Variants in FAM135B observed in about 807,000 individuals in gnomAD.
The protein encoded by FAM135B is family with sequence similarity 135 member B.
A neutral mutation model predicts 127.7 loss-of-function variants in FAM135B; 43 were observed. The observed-to-expected ratio is 0.34, with a 90% CI of 0.26 to 0.43. The LOEUF (loss-of-function observed/expected upper bound fraction) is 0.43. Among genes scored for constraint, FAM135B ranks in the 20% least tolerant of loss-of-function variants. FAM135B has a pLI of 1.00. For synonymous variants in FAM135B, 670 were observed against 665.1 expected (o/e 1.01, Z -0.11); for missense variants, 1,558 against 1,725.6 (o/e 0.90, Z 1.72).
chr8:138,410,854 CAGAG>C (rs1462681385), intron 1 of FAM135B, among the ~76,000 whole-genome samples: 1 of 152,088 alleles, frequency 6.6e-6, no homozygotes, highest in Non-Finnish European at 1.5e-5. Context: ...AACAGACAAA[CAGAG>C]AGCCAAATCA....
chr8:138,177,305 G>T (rs1335689315), intron 11 of FAM135B, 42 bp downstream of exon 11: 1 of 1,577,444 alleles, frequency 6.3e-7, no homozygotes, highest in Non-Finnish European at 8.7e-7. Context: ...TGTCTTGGGT[G>T]GCTGCTTTTA....
chr8:138,160,758 G>T (rs1227942212), intron 12 of FAM135B, among the ~76,000 whole-genome samples: 3 of 152,086 alleles, frequency 2.0e-5, no homozygotes, highest in African/African-American at 4.8e-5. Flanking sequence ...GGTGAAGTTT[G>T]ATCTCTGGGT....
intron 7 of FAM135B, among the ~76,000 whole-genome samples, chr8:138,213,203 A>G (rs1818273948): frequency 6.6e-6 from 1 of 152,204 alleles, no homozygotes; most frequent in Non-Finnish European, 1.5e-5. Context: ...CAATATTGGA[A>G]TGAGATACCA....
intron 7 of FAM135B, among the ~76,000 whole-genome samples, chr8:138,222,678 G>GTTTTTTT (rs33913656): frequency 1.9e-4 from 20 of 104,014 alleles, no homozygotes; most frequent in African/African-American, 3.1e-4. Flanking sequence ...TGTTGGTGGT[G>GTTTTTTT]TTTTTTTTTT....
chr8:138,243,129 C>T lies in FAM135B; in HGVS notation c.543-61G>A. On this transcript the variant is annotated intron_variant, in intron 6 of 19. Coordinates refer to ENST00000395297, the MANE Select transcript of FAM135B (RefSeq NM_015912.4). This position sits in a 1 kb window ranked among gnomAD's most constrained non-coding sequence, Gnocchi z 7.5. ...GTAAAGAAAGTGATGGTGCCATTAA[C>T]TCAGCCCCTTTGAGGAGTGTTCCTG... 5 of 1,558,386 alleles carry T rather than the reference C, an allele frequency of 3.2e-6. No homozygotes were observed. The highest frequency in any genetic ancestry group is 4.3e-6 in the Non-Finnish European group (5 of 1,153,250).
intron 3 of FAM135B, among the ~76,000 whole-genome samples, chr8:138,290,171 C>T (rs751200564): frequency 7.2e-5 from 11 of 152,152 alleles, no homozygotes; most frequent in Non-Finnish European, 1.6e-4. Flanking sequence ...GATACTTGAA[C>T]TTCTGAGCCT....
chr8:138,139,897 A>G (rs1057497302), intron 17 of FAM135B, among the ~76,000 whole-genome samples: 4 of 152,270 alleles, frequency 2.6e-5, no homozygotes, highest in Non-Finnish European at 2.9e-5. Flanking sequence ...GAAATAAGCA[A>G]GCTATGGTAT....
At chr8:138,496,210 G>A (rs1459909536) in intron 1 of FAM135B, among the ~76,000 whole-genome samples, 3 of 152,192 alleles carry the variant, frequency 2.0e-5, no homozygotes, top group Admixed American at 2.0e-4. Context: ...CTGAGCTGCA[G>A]TGTCCCCGCA....
intron 3 of FAM135B, among the ~76,000 whole-genome samples, chr8:138,289,085 C>T (rs1041834301): frequency 6.6e-5 from 10 of 152,198 alleles, no homozygotes; most frequent in African/African-American, 2.2e-4. Context: ...CACTGTTAGC[C>T]CGGTTTTCCT....
chr8:138,260,069 A>G (rs1482772214), intron 4 of FAM135B, among the ~76,000 whole-genome samples: 1 of 152,176 alleles, frequency 6.6e-6, no homozygotes, highest in East Asian at 1.9e-4. Context: ...GTTTACTTAT[A>G]TGGGCTTAAG....
intron 1 of FAM135B, among the ~76,000 whole-genome samples, chr8:138,435,570 A>G (rs1355910872): frequency 6.6e-6 from 1 of 152,186 alleles, no homozygotes; most frequent in Non-Finnish European, 1.5e-5. Flanking sequence ...TACTTTTATT[A>G]TTTATCAAAT....
intron 4 of FAM135B, among the ~76,000 whole-genome samples, chr8:138,259,010 A>T (rs1822334506): frequency 6.6e-6 from 1 of 152,252 alleles, no homozygotes; most frequent in South Asian, 2.1e-4. Context: ...TTATCATTAT[A>T]CATATACTAT....
intron 4 of FAM135B, among the ~76,000 whole-genome samples, chr8:138,258,343 C>T (rs191892362): frequency 1.6e-4 from 24 of 152,196 alleles, no homozygotes; most frequent in African/African-American, 5.5e-4. Flanking sequence ...TGGAATTTAT[C>T]TTTAGGTCTC....
chr8:138,349,642 T>C (rs1271500673), intron 2 of FAM135B, among the ~76,000 whole-genome samples: 1 of 14,730 alleles, frequency 6.8e-5, no homozygotes, highest in African/African-American at 8.5e-5. Flanking sequence ...AGAGATAAAA[T>C]AGATGAATGA....
At chr8:138,214,604 C>T (rs1431121279) in intron 7 of FAM135B, among the ~76,000 whole-genome samples, 1 of 152,090 alleles carries the variant, frequency 6.6e-6, no homozygotes, top group African/African-American at 2.4e-5. Flanking sequence ...TCAAGAAAAA[C>T]ACCATGTAAA....
intron 1 of FAM135B, among the ~76,000 whole-genome samples, chr8:138,373,062 G>GA: frequency 6.6e-6 from 1 of 152,122 alleles, no homozygotes; most frequent in African/African-American, 2.4e-5. Context: ...GATTGATGAG[G>GA]AAAAAAAGAG....
At chr8:138,232,602 A>T (rs1819984164) in intron 7 of FAM135B, among the ~76,000 whole-genome samples, 1 of 152,242 alleles carries the variant, frequency 6.6e-6, no homozygotes, top group African/African-American at 2.4e-5. Context: ...TCAAGCAATC[A>T]TTTAAAAGAT....
chr8:138,212,043 T>C (rs7012045), intron 7 of FAM135B, among the ~76,000 whole-genome samples: 113,200 of 152,066 alleles, frequency 0.74, 42,523 homozygotes, highest in East Asian at 0.83. Context: ...ACTCCACCCT[T>C]GGTGACAGAA....
At position 138,226,184 on chromosome 8, in the gene FAM135B, T is replaced by TGTGTGTGTGTGTGTGTGTGCGCGCGC; in HGVS notation, c.669+16757_669+16758insGCGCGCGCACACACACACACACACAC. ...GTGTGTGTGTGTGTGTGTGTGTGTG[T>TGTGTGTGTGTGTGTGTGTGCGCGCGC]GCGCGCATGTCATTTTTTTTTTCAT... On this transcript the variant is annotated intron_variant, in intron 7 of 19. Transcript: ENST00000395297. Among the ~76,000 whole-genome samples the TGTGTGTGTGTGTGTGTGTGCGCGCGC allele has an allele frequency of 4.6e-3, 634 of 139,230 alleles. 8 individuals are homozygous for TGTGTGTGTGTGTGTGTGTGCGCGCGC. The highest frequency in any genetic ancestry group is 0.033 in the East Asian group (149 of 4,554). The allele number at this position is 139,230 out of a possible 152,430, so 91.3% of individuals were successfully genotyped here.
Sources: allele counts gnomAD v4.1 joint callset (sites outside exome capture counted in the v4.1 genomes callset), GRCh38; gene constraint gnomAD v4.1.1; non-coding constraint Gnocchi (gnomAD v3.1); transcripts MANE v1.5; gene names NCBI Gene and HGNC (gene_info 2026-07-23, HGNC 2026-07-21).